Variants in APP observed in about 807,000 individuals in gnomAD.
APP encodes the protein amyloid-beta precursor protein.
Under a neutral mutation model 101.4 loss-of-function variants are expected in APP, and 31 were observed. The ratio of observed to expected loss-of-function variants is 0.31; its 90% CI spans 0.23 to 0.41. APP has a LOEUF of 0.41. APP is among the 10% of genes least tolerant of loss of function. The pLI, the probability that APP is intolerant of heterozygous loss-of-function variation, is 1.00. For missense variants in APP, 839 were observed against 1,003.7 expected (o/e 0.84, Z 2.22); for synonymous variants, 366 against 364.4 (o/e 1.00, Z -0.05).
chr21:26,138,926 G>A lies in APP; in HGVS notation c.58-26780C>T, dbSNP rs374533401. 6.3e-4 allele frequency among the ~76,000 whole-genome samples: 96 copies of A among 152,258 alleles called. 2 individuals are homozygous for A. The highest frequency in any genetic ancestry group is 2.2e-3 in the African/African-American group (90 of 41,572). On this transcript the variant is annotated intron_variant, in intron 1 of 17. Transcript: ENST00000346798. ...AAGGAGGGCTTTCTTCGATATTATTGTCTACTTTCTTGGTAAGCAATAAAG... is the reference window on the plus strand; with the variant it reads ...AAGGAGGGCTTTCTTCGATATTATTATCTACTTTCTTGGTAAGCAATAAAG...
At chr21:26,059,150 G>C (rs1216742393) in intron 3 of APP, among the ~76,000 whole-genome samples, 1 of 152,086 alleles carries the variant, frequency 6.6e-6, no homozygotes, top group Admixed American at 6.5e-5. Flanking sequence ...GAGCATCAGA[G>C]TGGGGTTGAG....
At chr21:25,975,536 A>T (rs1047460903) in intron 10 of APP, among the ~76,000 whole-genome samples, 15 of 148,910 alleles carry the variant, frequency 1.0e-4, no homozygotes, top group East Asian at 3.9e-4. Context: ...ATTACATATT[A>T]AAAAAAAATC....
intron 15 of APP, among the ~76,000 whole-genome samples, chr21:25,903,396 A>G (rs2038616939): frequency 9.3e-6 from 1 of 107,786 alleles, no homozygotes; most frequent in South Asian, 3.6e-4. Flanking sequence ...ATCAAAAAAC[A>G]ATTTTTTTAA....
Position 26,098,800 on chromosome 21 carries a change from G to A in APP, c.226-8728C>T, listed in dbSNP as rs998709634. On this transcript the variant is annotated intron_variant, in intron 2 of 17. Transcript: ENST00000346798. ...TTTTGAAAACGCTAAAAATTATGTG[G>A]TACTAATAAAATGTTTTAAATATAT... Among the ~76,000 whole-genome samples, 26 of 152,188 alleles carry A rather than the reference G, an allele frequency of 1.7e-4. 1 individual carries two copies. The highest frequency in any genetic ancestry group is 6.3e-4 in the African/African-American group (26 of 41,518).
At chr21:26,131,524 T>G (rs552749552) in intron 1 of APP, among the ~76,000 whole-genome samples, 1 of 152,288 alleles carries the variant, frequency 6.6e-6, no homozygotes, top group South Asian at 2.1e-4. Context: ...ACAACAACAG[T>G]GTAATGGAGG....
chr21:26,095,041 T>A (rs2061910674), intron 2 of APP, among the ~76,000 whole-genome samples: 1 of 152,214 alleles, frequency 6.6e-6, no homozygotes, highest in Non-Finnish European at 1.5e-5. Flanking sequence ...AGACAGGGTT[T>A]CACCATGTTG....
At chr21:26,076,154 A>C (rs1036421039) in intron 3 of APP, among the ~76,000 whole-genome samples, 27 of 152,122 alleles carry the variant, frequency 1.8e-4, no homozygotes, top group Admixed American at 1.8e-3. Flanking sequence ...TCGGCCTCCC[A>C]AAGTGCTGGG....
chr21:25,983,106 A>G (rs899623300), intron 8 of APP, among the ~76,000 whole-genome samples: 3 of 152,222 alleles, frequency 2.0e-5, no homozygotes, highest in Non-Finnish European at 4.4e-5. Flanking sequence ...TCATTATGCT[A>G]GTTGTCAAAA....
chr21:26,070,895 A>AGTCATCCTCTTTTATCACTACAACTTC (rs1437430365), intron 3 of APP, among the ~76,000 whole-genome samples: 7 of 152,304 alleles, frequency 4.6e-5, no homozygotes, highest in Non-Finnish European at 8.8e-5. Flanking sequence ...TCTTCAACTT[A>AGTCATCCTCTTTTATCACTACAACTTC]GTCATCCTCT....
At chr21:26,046,202 G>A (rs1425329932) in intron 5 of APP, among the ~76,000 whole-genome samples, 2 of 151,750 alleles carry the variant, frequency 1.3e-5, no homozygotes, top group Non-Finnish European at 2.9e-5. Flanking sequence ...AAACCAGAGA[G>A]TAACATTAAC....
At chr21:26,072,127 A>G (rs1174080286) in intron 3 of APP, among the ~76,000 whole-genome samples, 1 of 152,236 alleles carries the variant, frequency 6.6e-6, no homozygotes, top group Non-Finnish European at 1.5e-5. Flanking sequence ...TAATGGGTTA[A>G]AAAGCCAACT....
intron 1 of APP, among the ~76,000 whole-genome samples, chr21:26,136,359 A>G (rs537419818): frequency 1.3e-5 from 2 of 152,242 alleles, no homozygotes; most frequent in East Asian, 1.9e-4. Context: ...TCTTTTAAAA[A>G]GAAACAGGCA....
intron 2 of APP, among the ~76,000 whole-genome samples, chr21:26,094,678 A>T (rs2061901759): frequency 6.6e-6 from 1 of 150,770 alleles, no homozygotes; most frequent in Non-Finnish European, 1.5e-5. Flanking sequence ...CAAGAATAAA[A>T]ATTTCATCAG....
chr21:26,166,186 AG>A (rs748618633), intron 1 of APP, among the ~76,000 whole-genome samples: 9 of 152,224 alleles, frequency 5.9e-5, no homozygotes, highest in Non-Finnish European at 1.0e-4. Context: ...AATCAGCTTC[AG>A]GGTTTGAGTT....
At position 25,949,926 on chromosome 21, in the gene APP, T is replaced by C. The variant is rs182722404; in HGVS notation, c.1687+4664A>G. On this transcript the variant is annotated intron_variant, in intron 13 of 17. Transcript: ENST00000346798. ...GGGCTGGGCAAGTTGGCAAACTCTC[T>C]TAGGTTCAAAGTTCAATTTCTTCAA... Among the ~76,000 whole-genome samples the C allele has an allele frequency of 3.9e-5, 6 of 152,312 alleles. No homozygotes were observed. The East Asian group carries it at 1.2e-3, about 29-fold the overall frequency.
At chr21:25,906,147 C>T (rs144189063) in intron 14 of APP, among the ~76,000 whole-genome samples, 29 of 152,234 alleles carry the variant, frequency 1.9e-4, no homozygotes, top group African/African-American at 4.1e-4. Context: ...CAGTCCAAAT[C>T]GATTTTGGAT....
At chr21:26,140,452 C>G (rs896182136) in intron 1 of APP, 1 of 1,066,874 alleles carries the variant, frequency 9.4e-7, no homozygotes, top group Non-Finnish European at 1.3e-6. Context: ...CCAAAGCCTC[C>G]GGAACTCTGT....
intron 6 of APP, 50 bp downstream of exon 6, chr21:26,021,790 C>A (rs111428238): frequency 3.1e-6 from 5 of 1,602,536 alleles, no homozygotes; most frequent in African/African-American, 2.7e-5. Flanking sequence ...TCTGGTATTA[C>A]GCTTTCTTTT....
intron 3 of APP, among the ~76,000 whole-genome samples, chr21:26,076,640 A>T (rs1335613229): frequency 6.6e-6 from 1 of 152,250 alleles, no homozygotes; most frequent in Non-Finnish European, 1.5e-5. Flanking sequence ...TAGCCAAGAA[A>T]AAGCAAACAT....
Sources: allele counts gnomAD v4.1 joint callset (sites outside exome capture counted in the v4.1 genomes callset), GRCh38; gene constraint gnomAD v4.1.1; transcripts MANE v1.5; gene names NCBI Gene and HGNC (gene_info 2026-07-23, HGNC 2026-07-21).